Variants in RALYL observed in about 807,000 individuals in gnomAD.
RALYL encodes the protein RNA-binding Raly-like protein.
Under a neutral mutation model 35.1 loss-of-function variants are expected in RALYL, and 29 were observed. That is an observed-to-expected ratio of 0.83 (90% CI 0.61 to 1.13). The LOEUF is 1.13. Among genes scored for constraint, RALYL ranks in the 50% most tolerant of loss-of-function variants. The probability of loss-of-function intolerance (pLI) is 0.00; values close to 1 mark genes in which losing one functional copy is unlikely to be tolerated. For synonymous variants in RALYL, 120 were observed against 127.6 expected (o/e 0.94, Z 0.40); for missense variants, 359 against 360.4 (o/e 1.00, Z 0.03).
At chr8:84,306,110 G>C (rs931909117) in intron 1 of RALYL, among the ~76,000 whole-genome samples, 1 of 151,772 alleles carries the variant, frequency 6.6e-6, no homozygotes. Context: ...CTTTCAGTGA[G>C]CTGAGATTGC....
At chr8:84,698,536 A>G (rs1467321235) in intron 2 of RALYL, among the ~76,000 whole-genome samples, 1 of 152,066 alleles carries the variant, frequency 6.6e-6, no homozygotes, top group Non-Finnish European at 1.5e-5. Flanking sequence ...CCTGCCTCAC[A>G]CCAAGAAGAA....
At chr8:84,501,989 T>C (rs2056716790) in intron 1 of RALYL, among the ~76,000 whole-genome samples, 1 of 151,596 alleles carries the variant, frequency 6.6e-6, no homozygotes, top group African/African-American at 2.4e-5. Flanking sequence ...GAAGACAAAA[T>C]TGATTATTGT....
At chr8:84,617,342 T>G (rs368810347) in intron 2 of RALYL, among the ~76,000 whole-genome samples, 1 of 151,120 alleles carries the variant, frequency 6.6e-6, no homozygotes, top group Non-Finnish European at 1.5e-5. Flanking sequence ...GTATTTTATT[T>G]TCTTTGAAGC....
intron 5 of RALYL, among the ~76,000 whole-genome samples, chr8:84,852,757 T>C (rs1836140555): frequency 6.6e-6 from 1 of 152,078 alleles, no homozygotes; most frequent in South Asian, 2.1e-4. Context: ...TCAGGGCAAG[T>C]CCACAGCACA....
Position 84,374,521 on chromosome 8 carries a change from C to A in RALYL, c.-23-154778C>A, listed in dbSNP as rs181988458. On this transcript the variant is annotated intron_variant, in intron 1 of 8. Coordinates refer to ENST00000521268, the MANE Select transcript of RALYL (RefSeq NM_173848.7). ...ATAAAGAATATGTGGTACATATACA[C>A]AATGGAATACTATGCAGCCATAAAA... 2.0e-5 allele frequency among the ~76,000 whole-genome samples: 3 copies of A among 152,034 alleles called. No homozygotes were observed. In the East Asian group the frequency reaches 5.8e-4, roughly 30 times the overall value.
chr8:84,908,375 GT>G (rs1419785496), intron 8 of RALYL, among the ~76,000 whole-genome samples: 1 of 151,994 alleles, frequency 6.6e-6, no homozygotes, highest in Non-Finnish European at 1.5e-5. Flanking sequence ...TCACCTCCCT[GT>G]TTCTCGTAAC....
intron 1 of RALYL, among the ~76,000 whole-genome samples, chr8:84,498,033 G>A (rs2056267359): frequency 6.6e-6 from 1 of 151,354 alleles, no homozygotes; most frequent in African/African-American, 2.4e-5. Context: ...GGTATATTGT[G>A]TGATGCTGAG....
At chr8:84,696,288 T>C (rs888325562) in intron 2 of RALYL, among the ~76,000 whole-genome samples, 15 of 151,374 alleles carry the variant, frequency 9.9e-5, no homozygotes, top group African/African-American at 2.7e-4. Context: ...GATGGGAACA[T>C]AGCTATTTAT....
intron 1 of RALYL, among the ~76,000 whole-genome samples, chr8:84,479,886 G>C (rs958196072): frequency 2.0e-5 from 3 of 152,094 alleles, no homozygotes; most frequent in Non-Finnish European, 4.4e-5. Context: ...CAGATCACCA[G>C]GGTATCATGT....
At chr8:84,472,654 C>G (rs1298597802) in intron 1 of RALYL, among the ~76,000 whole-genome samples, 1 of 151,588 alleles carries the variant, frequency 6.6e-6, no homozygotes, top group Non-Finnish European at 1.5e-5. Context: ...ATTCATTGGA[C>G]AGAAAGGGAC....
intron 2 of RALYL, among the ~76,000 whole-genome samples, chr8:84,636,606 CT>C (rs918152985): frequency 6.6e-6 from 1 of 151,776 alleles, no homozygotes; most frequent in Admixed American, 6.6e-5. Flanking sequence ...TAACACCACA[CT>C]TTCTCCTTTC....
At chr8:84,418,019 A>G (rs1030557261) in intron 1 of RALYL, among the ~76,000 whole-genome samples, 2 of 152,176 alleles carry the variant, frequency 1.3e-5, no homozygotes, top group African/African-American at 4.8e-5. Flanking sequence ...CAGTTTAAAG[A>G]AAATGTGGAA....
chr8:84,888,840 C>T (rs112506778), intron 8 of RALYL, among the ~76,000 whole-genome samples: 34 of 152,238 alleles, frequency 2.2e-4, no homozygotes, highest in African/African-American at 7.9e-4. Context: ...ACCTCCGCCC[C>T]CCTGGTTCAA....
chr8:84,227,056 CTTTTT>C (rs1158995864), intron 1 of RALYL, among the ~76,000 whole-genome samples: 1 of 81,888 alleles, frequency 1.2e-5, no homozygotes, highest in South Asian at 4.9e-4. Context: ...AATTGTATTT[CTTTTT>C]TTTTTTTTTT....
At chr8:84,527,584 G>C (rs897186000) in intron 1 of RALYL, among the ~76,000 whole-genome samples, 1 of 152,096 alleles carries the variant, frequency 6.6e-6, no homozygotes, top group Non-Finnish European at 1.5e-5. Flanking sequence ...TGTTGGCTTG[G>C]AATGGTAAGA....
At chr8:84,329,004 C>T (rs1052189730) in intron 1 of RALYL, among the ~76,000 whole-genome samples, 2 of 152,136 alleles carry the variant, frequency 1.3e-5, no homozygotes, top group African/African-American at 4.8e-5. Context: ...ATCCAGTCTA[C>T]CGGTGATGGA....
chr8:84,220,658 A>G (rs993418051), intron 1 of RALYL, among the ~76,000 whole-genome samples: 2 of 151,986 alleles, frequency 1.3e-5, no homozygotes, highest in African/African-American at 4.8e-5. Flanking sequence ...ATTAGCCAAT[A>G]TTTTATTTCC....
At chr8:84,853,472 G>C (rs185312391) in intron 5 of RALYL, among the ~76,000 whole-genome samples, 2 of 152,300 alleles carry the variant, frequency 1.3e-5, no homozygotes, top group East Asian at 1.9e-4. Flanking sequence ...TTATTAGAGA[G>C]GCTGTAGCTT....
chr8:84,458,216 G>A (rs899380989), intron 1 of RALYL, among the ~76,000 whole-genome samples: 14 of 151,760 alleles, frequency 9.2e-5, no homozygotes, highest in African/African-American at 3.4e-4. Context: ...TGTGACAATT[G>A]ATGGTTTGCT....
Sources: gnomAD v4.1 joint callset for allele counts (sites outside exome capture counted in the v4.1 genomes callset) on GRCh38, gnomAD v4.1.1 for gene constraint, MANE v1.5 for transcripts, NCBI Gene and HGNC (gene_info 2026-07-23, HGNC 2026-07-21) for gene names.